The following GRIA1 variants were observed in gnomAD, a reference collection of about 807,000 sequenced individuals.
GRIA1 encodes the protein glutamate receptor 1.
GRIA1 carries 31 observed loss-of-function variants against 99.2 expected under a neutral mutation model. The ratio of observed to expected loss-of-function variants is 0.31; its 90% confidence interval spans 0.23 to 0.42. GRIA1 has a LOEUF of 0.42. Among genes scored for constraint, GRIA1 ranks in the 10% least tolerant of loss-of-function variants. The pLI is 1.00. For synonymous variants in GRIA1, 438 were observed against 432.4 expected (o/e 1.01, Z -0.16); for missense variants, 782 against 1,157.5 (o/e 0.68, Z 4.71).
At chr5:153,794,883 G>A (rs956759525) in intron 14 of GRIA1, 148 bp downstream of exon 14, 7 of 618,924 alleles carry the variant, frequency 1.1e-5, no homozygotes, top group African/African-American at 1.9e-5. Context: ...TGGTTGAGTA[G>A]AAGTAGCATC....
chr5:153,605,493 C>T (rs1174652115), intron 2 of GRIA1, among the ~76,000 whole-genome samples: 1 of 152,180 alleles, frequency 6.6e-6, no homozygotes, highest in African/African-American at 2.4e-5. Flanking sequence ...CACATGTGCA[C>T]ATATTTTTTG....
chr5:153,612,811 C>T (rs567933856), intron 2 of GRIA1, among the ~76,000 whole-genome samples: 1 of 152,206 alleles, frequency 6.6e-6, no homozygotes, highest in South Asian at 2.1e-4. Context: ...CCCATATCAG[C>T]AGCAAGTTCT....
intron 2 of GRIA1, among the ~76,000 whole-genome samples, chr5:153,615,904 G>A (rs1325154073): frequency 1.3e-5 from 2 of 152,146 alleles, no homozygotes; most frequent in East Asian, 3.9e-4. Flanking sequence ...TTTGAGTCTG[G>A]AACCAATGAT....
chr5:153,559,264 C>T (rs1004047225), intron 2 of GRIA1, among the ~76,000 whole-genome samples: 3 of 152,144 alleles, frequency 2.0e-5, no homozygotes, highest in African/African-American at 7.2e-5. Flanking sequence ...TAGTACAGTA[C>T]GTGAGGCTTT....
intron 2 of GRIA1, among the ~76,000 whole-genome samples, chr5:153,499,601 G>A (rs990447293): frequency 3.1e-4 from 31 of 101,348 alleles, no homozygotes; most frequent in African/African-American, 1.2e-3. Context: ...GCAACAGAGC[G>A]AGAATTTGTC....
chr5:153,573,821 T>G (rs1274328141), intron 2 of GRIA1, among the ~76,000 whole-genome samples: 2 of 152,202 alleles, frequency 1.3e-5, no homozygotes, highest in Non-Finnish European at 2.9e-5. Flanking sequence ...TGTGGCTGCA[T>G]GCCAAATGCT....
Position 153,628,775 on chromosome 5 carries a change from T to C in GRIA1, c.221-18153T>C, listed in dbSNP as rs149233489. Among the ~76,000 whole-genome samples the C allele has an allele frequency of 2.9e-3, 442 of 152,338 alleles. 11 individuals carry two copies. Among genetic ancestry groups the C allele is most frequent in the East Asian group, 0.027 (141 of 5,182 alleles). On this transcript the variant is annotated intron_variant, in intron 2 of 15. Transcript: ENST00000285900. ...CTATACAATAGAGCAAATTATTGAT[T>C]CCTTTTTATAATTTCCTCTTCCTGT...
In GRIA1 at chr5:153,674,546, A is replaced by G. The variant is rs774481545; in HGVS notation, c.746A>G (p.Asn249Ser). The change falls in exon 6 of 16, where the codon AAT becomes AGT. Residue 249 changes from asparagine to serine, a missense_variant. By Grantham distance (46) the Asn-to-Ser change is conservative. Around this residue, in one of 5 missense-constraint regions of GRIA1, gnomAD observed 461 missense variants for 521.7 expected, o/e 0.88. Transcript: ENST00000285900. ...AACAAATTCAAGGAGAGTGGCGCCA[A>G]TGTGACAGGTTTCCAGCTGGTGAAC... is the stretch of plus-strand genomic sequence containing the variant. ...DLNKFKESGA[N>S]VTGFQLVNYT... 47 of 1,613,968 alleles carry G rather than the reference A, an allele frequency of 2.9e-5. No homozygotes were observed. Among genetic ancestry groups the G allele is most frequent in the Non-Finnish European group, 3.5e-5 (41 of 1,179,980 alleles).
chr5:153,782,818 C>T (rs1316208620), intron 13 of GRIA1, among the ~76,000 whole-genome samples: 1 of 152,152 alleles, frequency 6.6e-6, no homozygotes, highest in African/African-American at 2.4e-5. Flanking sequence ...CGCAAGCATA[C>T]CATACAGGAG....
intron 11 of GRIA1, among the ~76,000 whole-genome samples, chr5:153,723,526 G>A (rs575220105): frequency 6.6e-6 from 1 of 152,346 alleles, no homozygotes; most frequent in African/African-American, 2.4e-5. Flanking sequence ...TGGAAAATCA[G>A]GTCACTCCCG....
At chr5:153,551,054 G>A (rs1760089354) in intron 2 of GRIA1, among the ~76,000 whole-genome samples, 1 of 151,888 alleles carries the variant, frequency 6.6e-6, no homozygotes. Context: ...GGTCAATGCA[G>A]TTTTTTTTAA....
intron 2 of GRIA1, among the ~76,000 whole-genome samples, chr5:153,522,685 C>A (rs1342013578): frequency 4.6e-5 from 7 of 152,264 alleles, no homozygotes; most frequent in South Asian, 2.1e-4. Context: ...ATAAGCCACA[C>A]CCTGGCTCTA....
At chr5:153,551,395 A>G (rs933595828) in intron 2 of GRIA1, among the ~76,000 whole-genome samples, 3 of 152,070 alleles carry the variant, frequency 2.0e-5, no homozygotes, top group Admixed American at 2.0e-4. Context: ...TGATTCCTAA[A>G]GGACTTTTTA....
chr5:153,795,915 CACACA>C (rs1412075143), intron 14 of GRIA1, among the ~76,000 whole-genome samples: 1 of 152,054 alleles, frequency 6.6e-6, no homozygotes, highest in Non-Finnish European at 1.5e-5. Flanking sequence ...GGCCGTTTAG[CACACA>C]ACCCAGGATG....
chr5:153,787,907 C>T (rs1162658716), intron 13 of GRIA1, among the ~76,000 whole-genome samples: 1 of 151,922 alleles, frequency 6.6e-6, no homozygotes, highest in African/African-American at 2.4e-5. Context: ...AGTGAAACCC[C>T]GTCTCTACTA....
At chr5:153,511,914 C>G (rs960458172) in intron 2 of GRIA1, among the ~76,000 whole-genome samples, 1 of 152,180 alleles carries the variant, frequency 6.6e-6, no homozygotes, top group African/African-American at 2.4e-5. Flanking sequence ...CTCGTTCCTG[C>G]GAAGCCAGTT....
chr5:153,570,800 T>A (rs902239813), intron 2 of GRIA1, among the ~76,000 whole-genome samples: 1 of 152,196 alleles, frequency 6.6e-6, no homozygotes, highest in African/African-American at 2.4e-5. Context: ...GCCTGGCACA[T>A]AGTAAGTGCT....
At chr5:153,643,891 C>T (rs1753952115) in intron 2 of GRIA1, among the ~76,000 whole-genome samples, 1 of 152,202 alleles carries the variant, frequency 6.6e-6, no homozygotes, top group Non-Finnish European at 1.5e-5. Context: ...CCACCCCCAT[C>T]TCACCCTTTC....
chr5:153,628,634 A>G (rs1409672671), intron 2 of GRIA1, among the ~76,000 whole-genome samples: 1 of 152,210 alleles, frequency 6.6e-6, no homozygotes. Context: ...AACGAAATGC[A>G]CCTACAACTT....
Sources: gnomAD v4.1 joint callset for allele counts (sites outside exome capture counted in the v4.1 genomes callset) on GRCh38, gnomAD v4.1.1 for gene constraint, gnomAD v4.1.1 regional missense constraint, MANE v1.5 for transcripts, NCBI Gene and HGNC (gene_info 2026-07-23, HGNC 2026-07-21) for gene names.